The following SPEG variants were observed in gnomAD, a reference collection of about 807,000 sequenced individuals.
The protein encoded by SPEG is striated muscle enriched protein kinase.
Under a neutral mutation model 300.4 loss-of-function variants are expected in SPEG, and 114 were observed. The observed-to-expected ratio is 0.38, with a 90% CI of 0.33 to 0.44. SPEG has a LOEUF of 0.44. Ranked by LOEUF, SPEG falls within the 20% of genes least tolerant of loss-of-function variation. The pLI is 1.00. For synonymous variants in SPEG, 1,964 were observed against 2,018.9 expected (o/e 0.97, Z 0.73); for missense variants, 4,201 against 4,586.2 (o/e 0.92, Z 2.43).
At position 219,464,611 on chromosome 2, in the gene SPEG, G is replaced by A; in HGVS notation, c.2881+3G>A. ...CGAGGCCCGCTTGGAGGTCCGAGGTGAGTACCTGATTTCTCCATGAATGCC... is the reference window on the plus strand; with the variant it reads ...CGAGGCCCGCTTGGAGGTCCGAGGTAAGTACCTGATTTCTCCATGAATGCC... On this transcript the variant is annotated splice_donor_region_variant and intron_variant, in intron 9 of 40. Transcript: ENST00000312358. This position sits in a 1 kb window ranked among gnomAD's most constrained non-coding sequence, Gnocchi z 4.5. 6.2e-7 allele frequency: 1 copy of A among 1,613,354 alleles called. No homozygotes were observed. Among genetic ancestry groups the A allele is most frequent in the Non-Finnish European group, 8.5e-7 (1 of 1,179,368 alleles).
At position 219,449,033 on chromosome 2, in the gene SPEG, A is replaced by AC. The variant is rs1553607135; in HGVS notation, c.1881dup (p.Gly628ArgfsTer38). The AC allele has an allele frequency of 6.6e-7, 1 of 1,517,744 alleles. No homozygotes were observed. The highest frequency in any genetic ancestry group is 8.8e-7 in the Non-Finnish European group (1 of 1,133,066). 94.0% of individuals were successfully genotyped at this position (1,517,744 alleles called of 1,614,324 possible). A position where few individuals can be genotyped will look rare whatever the true frequency, so the allele number is the denominator to read the frequency against. ...ATCCCCCAGAGGCCAGGACGAAAGC[A>AC]CCCCCCGGTCGGAAGCGGGAGCCCC... On this transcript the variant is annotated frameshift_variant, in exon 4 of 41. Transcript: ENST00000312358. LOFTEE classifies it high-confidence loss of function.
rs779868494 is a variant in SPEG at position 219,480,143 on chromosome 2, A to G, written c.5342+3A>G. ...GTGTCTGGAGTCACTGACATCTGGT[A>G]AGGCTGGCATGCTGGGCTGGGCCGA... On this transcript the variant is annotated splice_donor_region_variant and intron_variant, in intron 25 of 40. Transcript: ENST00000312358. This position sits in a 1 kb window ranked among gnomAD's most constrained non-coding sequence, Gnocchi z 5.3. 1 of 1,613,482 alleles carries G rather than the reference A, an allele frequency of 6.2e-7. No homozygotes were observed. Among genetic ancestry groups the G allele is most frequent in the East Asian group, 2.2e-5 (1 of 44,860 alleles).
intron 1 of SPEG, chr2:219,442,988 T>A (rs1689037557): frequency 1.8e-5 from 14 of 795,650 alleles, no homozygotes; most frequent in South Asian, 3.3e-5. Flanking sequence ...ACCTCCCCTC[T>A]CACACACACA....
chr2:219,480,217 G>A lies in SPEG; in HGVS notation c.5342+77G>A, dbSNP rs1380574947. On this transcript the variant is annotated intron_variant, in intron 25 of 40. Transcript: ENST00000312358. The surrounding 1 kb of genome is among the most constrained non-coding windows in gnomAD (Gnocchi z 5.3). ...GTGCTGGGGACGCGCTCACTGGCAG[G>A]GAGATTTACCGAGCCTGAATTCCTC... The A allele has an allele frequency of 6.7e-7, 1 of 1,488,324 alleles. No homozygotes were observed. Among genetic ancestry groups the A allele is most frequent in the South Asian group, 1.2e-5 (1 of 83,538 alleles). 92.2% of individuals were successfully genotyped at this position (1,488,324 alleles called of 1,614,324 possible). A position where few individuals can be genotyped will look rare whatever the true frequency, so the allele number is the denominator to read the frequency against.
At position 219,477,076 on chromosome 2, in the gene SPEG, G is replaced by A. The variant is rs1221638862; in HGVS notation, c.4560+94G>A. On this transcript the variant is annotated intron_variant, in intron 19 of 40. Coordinates refer to ENST00000312358, the MANE Select transcript of SPEG (RefSeq NM_005876.5). This position sits in a 1 kb window ranked among gnomAD's most constrained non-coding sequence, Gnocchi z 6.4. ...GGAAGGCCTTAGGAGGGCGGAGCCC[G>A]GGCAGAGGCGTGGTTAGGAGGAGGA... The A allele has an allele frequency of 2.5e-6, 3 of 1,184,170 alleles. No homozygotes were observed. Among genetic ancestry groups the A allele is most frequent in the South Asian group, 1.5e-5 (1 of 68,226 alleles). The allele number at this position is 1,184,170 out of a possible 1,614,324, so 73.4% of individuals were successfully genotyped here. A position where few individuals can be genotyped will look rare whatever the true frequency, so the allele number is the denominator to read the frequency against.
Position 219,484,168 on chromosome 2 carries a change from G to T in SPEG, c.6705G>T (p.Leu2235=). 1 of 1,613,516 alleles carries T rather than the reference G, an allele frequency of 6.2e-7. No individual in the cohort carries two copies. The highest frequency in any genetic ancestry group is 1.7e-4 in the Middle Eastern group (1 of 6,060). The change falls in exon 30 of 41, where the codon CTG becomes CTT. Residue 2235 remains leucine, a synonymous_variant. Coordinates refer to ENST00000312358, the MANE Select transcript of SPEG (RefSeq NM_005876.5). ...ASKPAPPPQA[L]QTLALPLTPY... Reference sequence around the variant, plus strand: ...AGCCTGCACCACCCCCCCAGGCCCTGCAAACCCTAGCGCTGCCCCTCACAC... The same window carrying T: ...AGCCTGCACCACCCCCCCAGGCCCTTCAAACCCTAGCGCTGCCCCTCACAC...
Position 219,443,123 on chromosome 2 carries a change from C to G in SPEG, c.389-1530C>G. ...TCTCTTTCAGAAAACCGGCCATTCC[C>G]GCCGGGCCTTTGGCCGACTCACCCA... On this transcript the variant is annotated intron_variant, in intron 1 of 40. Coordinates refer to ENST00000312358, the MANE Select transcript of SPEG (RefSeq NM_005876.5). This position sits in a 1 kb window ranked among gnomAD's most constrained non-coding sequence, Gnocchi z 4.6. 1 of 1,612,686 alleles carries G rather than the reference C, an allele frequency of 6.2e-7. No homozygotes were observed. Among genetic ancestry groups the G allele is most frequent in the Non-Finnish European group, 8.5e-7 (1 of 1,179,786 alleles).
chr2:219,483,056 C>T (rs773205158), intron 29 of SPEG, 42 bp from the exon 30 acceptor site: 7 of 1,570,282 alleles, frequency 4.5e-6, no homozygotes, highest in Non-Finnish European at 6.0e-6. Flanking sequence ...ACAATCCTGC[C>T]CCAGGGGTCC....
In SPEG at chr2:219,450,195, C is replaced by T. The variant is rs528016209; in HGVS notation, c.2113+924C>T. On this transcript the variant is annotated intron_variant, in intron 4 of 40. Transcript: ENST00000312358. ...GGCCCCTGTCCATCATCCTCCTGGA[C>T]ACCATTATTGCAAACACACAACTAT... Among the ~76,000 whole-genome samples, 69 of 152,328 alleles carry T rather than the reference C, an allele frequency of 4.5e-4. 1 individual carries two copies. Among genetic ancestry groups the T allele is most frequent in the African/African-American group, 1.6e-3 (66 of 41,576 alleles).
chr2:219,447,892 C>G, intron 3 of SPEG, 82 bp from the exon 4 acceptor site: 2 of 1,342,672 alleles, frequency 1.5e-6, no homozygotes, highest in Non-Finnish European at 2.1e-6. Context: ...AGCATGCCCA[C>G]CACCCAATTC....
rs1455040722 is a variant in SPEG, at chr2:219,477,366, G to C, written c.4650G>C (p.Gln1550His). Residue 1550 changes from glutamine to histidine, a missense_variant, in exon 20 of 41, where the codon CAG (glutamine) becomes CAC (histidine). By Grantham distance (24) the Gln-to-His change is conservative. Coordinates refer to ENST00000312358, the MANE Select transcript of SPEG (RefSeq NM_005876.5). The surrounding 1 kb of genome is among the most constrained non-coding windows in gnomAD (Gnocchi z 6.4). ...TGGTGGTGCTCAGCACGGGGGCCCAGGATGGAGGCGTCTACACCTGCACCG... is the reference window on the plus strand; with the variant it reads ...TGGTGGTGCTCAGCACGGGGGCCCACGATGGAGGCGTCTACACCTGCACCG... ...CSLVVLSTGA[Q>H]DGGVYTCTAQ... 1.9e-6 allele frequency: 3 copies of C among 1,612,906 alleles called. No individual in the cohort carries two copies. In the South Asian group the frequency reaches 3.3e-5, roughly 18 times the overall value.
chr2:219,480,793 C>A lies in SPEG; in HGVS notation c.5369+96C>A, dbSNP rs1005949553. On this transcript the variant is annotated intron_variant, in intron 26 of 40. Coordinates refer to ENST00000312358, the MANE Select transcript of SPEG (RefSeq NM_005876.5). This position sits in a 1 kb window ranked among gnomAD's most constrained non-coding sequence, Gnocchi z 5.3. ...CCACCCCCTTCTCTTCCGCACCCCC[C>A]ACTCCTTCTTGCACTGCAAGGAGCC... The A allele has an allele frequency of 3.4e-6, 4 of 1,182,692 alleles. No homozygotes were observed. The highest frequency in any genetic ancestry group is 1.9e-4 in the Middle Eastern group (1 of 5,288). The allele number at this position is 1,182,692 out of a possible 1,614,324, so 73.3% of individuals were successfully genotyped here. A position where few individuals can be genotyped will look rare whatever the true frequency, so the allele number is the denominator to read the frequency against.
Position 219,474,105 on chromosome 2 carries a change from C to T in SPEG, c.4447+202C>T, listed in dbSNP as rs572992706. The stretch of plus-strand genomic sequence containing the variant: ...ACTAACAAGATTTATTGGCCAGACG[C>T]GGTGGCTCACACCTGTAATCTCAGC... On this transcript the variant is annotated intron_variant, in intron 18 of 40. Transcript: ENST00000312358. 1.5e-3 allele frequency: 845 copies of T among 573,342 alleles called. 2 individuals carry two copies. The highest frequency in any genetic ancestry group is 6.0e-3 in the Middle Eastern group (17 of 2,816). 35.5% of individuals were successfully genotyped at this position (573,342 alleles called of 1,614,324 possible).
Position 219,490,685 on chromosome 2 carries a change from T to C in SPEG, c.9161+37T>C, listed in dbSNP as rs753671188. ...TTCTAGGGGAGTAGGGAGGAAGAGG[T>C]AGGGGAGGCTGGGCCGGGTATCATC... On this transcript the variant is annotated intron_variant, in intron 37 of 40. Coordinates refer to ENST00000312358, the MANE Select transcript of SPEG (RefSeq NM_005876.5). The C allele has an allele frequency of 6.5e-5, 105 of 1,609,950 alleles. 1 individual carries two copies. In the Admixed American group the frequency reaches 1.2e-3, roughly 18 times the overall value.
chr2:219,486,857 T>C (rs565955385), intron 31 of SPEG, among the ~76,000 whole-genome samples: 4 of 152,166 alleles, frequency 2.6e-5, no homozygotes, highest in East Asian at 3.9e-4. Flanking sequence ...GAGGCAGCCA[T>C]TGAGAAACTG....
At chr2:219,460,791 C>T (rs950806326) in intron 6 of SPEG, 11 of 986,082 alleles carry the variant, frequency 1.1e-5, no homozygotes, top group East Asian at 1.1e-4. Flanking sequence ...CCTCCTCAGG[C>T]GCCTTCCCCT....
chr2:219,485,028 C>T lies in SPEG; in HGVS notation c.7565C>T (p.Ala2522Val), dbSNP rs1388893792. 1.3e-6 allele frequency: 2 copies of T among 1,532,162 alleles called. No individual in the cohort carries two copies. Among genetic ancestry groups the T allele is most frequent in the Non-Finnish European group, 1.7e-6 (2 of 1,145,782 alleles). 94.9% of individuals were successfully genotyped at this position (1,532,162 alleles called of 1,614,324 possible). ...CAGGCCGGCGCCACCACGCCTTCCG[C>T]CGAGTCCCTGGGCTCCGAGGCCAGC... The part of the protein sequence containing the change: ...AAQAGATTPS[A>V]ESLGSEASAT... Residue 2522 changes from alanine to valine, a missense_variant, in exon 30 of 41, where the codon GCC (alanine) becomes GTC (valine). Ala to Val is a moderately conservative substitution (Grantham distance 64, BLOSUM62 0). Transcript: ENST00000312358.
chr2:219,445,549 C>G lies in SPEG; in HGVS notation c.815+388C>G, dbSNP rs1236922125. The G allele has an allele frequency of 6.4e-6, 2 of 312,594 alleles. No homozygotes were observed. Among genetic ancestry groups the G allele is most frequent in the Non-Finnish European group, 1.2e-5 (2 of 166,310 alleles). 19.4% of individuals were successfully genotyped at this position (312,594 alleles called of 1,614,324 possible). On this transcript the variant is annotated intron_variant, in intron 3 of 40. Coordinates refer to ENST00000312358, the MANE Select transcript of SPEG (RefSeq NM_005876.5). This position sits in a 1 kb window ranked among gnomAD's most constrained non-coding sequence, Gnocchi z 6.1. ...GTGCCTGCTGTCTCAGCAGCTGCTG[C>G]CTTTTCATCTCTCTGCACATTCCTG...
chr2:219,441,639 G>A (rs1446400981), intron 1 of SPEG: 1 of 467,044 alleles, frequency 2.1e-6, no homozygotes, highest in East Asian at 7.0e-5. Context: ...AAAGTGGCCT[G>A]AGCTAGAGGC....
Sources: gnomAD v4.1 joint callset for allele counts (sites outside exome capture counted in the v4.1 genomes callset) on GRCh38, gnomAD v4.1.1 for gene constraint, Gnocchi (gnomAD v3.1) non-coding constraint, MANE v1.5 for transcripts, NCBI Gene and HGNC (gene_info 2026-07-23, HGNC 2026-07-21) for gene names.